DTNA: variants seen among roughly 807,000 people sequenced by gnomAD.
DTNA encodes the protein dystrophin-related protein 3.
A neutral mutation model predicts 100.7 loss-of-function variants in DTNA; 43 were observed. The observed-to-expected ratio is 0.43, with a 90% CI of 0.33 to 0.55. DTNA has a LOEUF of 0.55. DTNA is among the 20% of genes least tolerant of loss of function. The probability of loss-of-function intolerance (pLI) is 0.04; values close to 1 mark genes in which losing one functional copy is unlikely to be tolerated. For missense variants in DTNA, 798 were observed against 953.9 expected, an observed-to-expected ratio of 0.84 and a Z score of 2.15; for synonymous variants, 349 against 347.9, an observed-to-expected ratio of 1.00 and a Z score of -0.04.
chr18:34,543,212 C>G (rs954006528), intron 1 of DTNA, among the ~76,000 whole-genome samples: 2 of 151,766 alleles, frequency 1.3e-5, no homozygotes, highest in Admixed American at 1.3e-4. Context: ...TTGCACAAGA[C>G]CTGATACTGC....
chr18:34,531,441 AT>A (rs1436988482), intron 1 of DTNA, among the ~76,000 whole-genome samples: 58 of 152,262 alleles, frequency 3.8e-4, no homozygotes, highest in African/African-American at 1.4e-3. Flanking sequence ...TCCTTTGAAA[AT>A]TTAAAACTAT....
intron 3 of DTNA, among the ~76,000 whole-genome samples, chr18:34,783,716 G>T (rs1219224655): frequency 6.6e-6 from 1 of 152,152 alleles, no homozygotes; most frequent in African/African-American, 2.4e-5. Flanking sequence ...GTTAATGTGG[G>T]TGATGGCGGA....
chr18:34,701,931 C>A (rs890491813), intron 1 of DTNA, among the ~76,000 whole-genome samples: 4 of 152,194 alleles, frequency 2.6e-5, no homozygotes, highest in African/African-American at 9.6e-5. Context: ...TCTGTCCCAT[C>A]CACTCTTCAC....
At chr18:34,618,433 T>A (rs2055775400) in intron 1 of DTNA, among the ~76,000 whole-genome samples, 1 of 152,176 alleles carries the variant, frequency 6.6e-6, no homozygotes. Flanking sequence ...AAACATGGTA[T>A]CAGATAGTTC....
intron 4 of DTNA, among the ~76,000 whole-genome samples, chr18:34,800,098 A>G (rs73412666): frequency 0.025 from 3,864 of 152,364 alleles, 169 homozygotes; most frequent in African/African-American, 0.087. Flanking sequence ...TAAAAGAAAC[A>G]GCCATAAAGC....
chr18:34,493,989 G>A (rs1163364167), intron 1 of DTNA: 2 of 149,362 alleles, frequency 1.3e-5, no homozygotes, highest in African/African-American at 4.9e-5. Flanking sequence ...GGCTGCTGCA[G>A]GATGTCCGGC....
intron 1 of DTNA, among the ~76,000 whole-genome samples, chr18:34,608,527 T>TA (rs1434890406): frequency 6.7e-6 from 1 of 149,554 alleles, no homozygotes; most frequent in East Asian, 1.9e-4. Flanking sequence ...TTTTTTTTTT[T>TA]ATGGATTCAG....
chr18:34,839,397 C>T (rs2096223831), intron 13 of DTNA, among the ~76,000 whole-genome samples: 1 of 152,192 alleles, frequency 6.6e-6, no homozygotes, highest in Non-Finnish European at 1.5e-5. Flanking sequence ...TCTTGGAATA[C>T]ACAAAACTTA....
intron 18 of DTNA, among the ~76,000 whole-genome samples, chr18:34,876,150 T>C (rs569892475): frequency 7.2e-5 from 11 of 152,346 alleles, no homozygotes; most frequent in African/African-American, 2.6e-4. Flanking sequence ...TAAATAGATA[T>C]GTTTAAGGAT....
chr18:34,859,243 A>G (rs924849600), intron 16 of DTNA, among the ~76,000 whole-genome samples: 1 of 152,252 alleles, frequency 6.6e-6, no homozygotes, highest in Non-Finnish European at 1.5e-5. Flanking sequence ...GAAGTTGTCC[A>G]GGGTCTTGGC....
intron 1 of DTNA, among the ~76,000 whole-genome samples, chr18:34,625,332 C>T (rs1466420158): frequency 1.3e-5 from 2 of 151,950 alleles, no homozygotes; most frequent in African/African-American, 4.8e-5. Context: ...CCTGGCCCAC[C>T]CAGTTAATTT....
chr18:34,580,101 T>C (rs1486215889), intron 1 of DTNA, among the ~76,000 whole-genome samples: 1 of 152,174 alleles, frequency 6.6e-6, no homozygotes, highest in Admixed American at 6.5e-5. Flanking sequence ...AGTCTGCTGT[T>C]CAACTCCCTG....
At chr18:34,760,678 G>T (rs1359765963) in intron 2 of DTNA, among the ~76,000 whole-genome samples, 3 of 152,164 alleles carry the variant, frequency 2.0e-5, no homozygotes, top group African/African-American at 7.2e-5. Flanking sequence ...TTGAACAACT[G>T]CCAAGCAGCT....
Position 34,826,723 on chromosome 18 carries a change from C to CT in DTNA, c.1002-869dup, listed in dbSNP as rs143528695. Among the ~76,000 whole-genome samples the CT allele has an allele frequency of 5.3e-5, 8 of 152,244 alleles. No homozygotes were observed. In the East Asian group the frequency reaches 1.5e-3, roughly 29 times the overall value. On this transcript the variant is annotated intron_variant, in intron 9 of 22. Coordinates refer to ENST00000444659, the MANE Select transcript of DTNA (RefSeq NM_001386795.1). ...CACCTCATTTTCCATCTTTTGAACT[C>CT]TAAGTCCCATCTCATATTACCATTC...
rs369914309 is a variant in DTNA at position 34,879,651 on chromosome 18, G to T, written c.2094G>T (p.Ala698=). The change falls in exon 20 of 23, where the codon GCG becomes GCT. Residue 698 remains alanine (A), a synonymous_variant. Transcript: ENST00000444659. ...PSPTSEKAFL[A]QIHARKPGYI... is the part of the protein sequence containing the mutation. ...CAACCTCTGAAAAGGCTTTTCTAGC[G>T]CAAATCCATGCCCGAAAACCTGGGT... The T allele has an allele frequency of 1.2e-6, 2 of 1,613,956 alleles. No homozygotes were observed. The highest frequency in any genetic ancestry group is 2.7e-5 in the African/African-American group (2 of 74,892).
At chr18:34,505,429 C>T (rs2040392698) in intron 1 of DTNA, among the ~76,000 whole-genome samples, 1 of 152,178 alleles carries the variant, frequency 6.6e-6, no homozygotes, top group South Asian at 2.1e-4. Flanking sequence ...TTCACAGCTT[C>T]CAGGGATTGG....
chr18:34,634,590 C>G (rs1352354589), intron 1 of DTNA, among the ~76,000 whole-genome samples: 1 of 152,126 alleles, frequency 6.6e-6, no homozygotes, highest in African/African-American at 2.4e-5. Context: ...AATCCAGTCT[C>G]ACACATATAT....
chr18:34,645,440 A>G (rs1299615130), intron 1 of DTNA, among the ~76,000 whole-genome samples: 3 of 152,116 alleles, frequency 2.0e-5, no homozygotes, highest in South Asian at 2.1e-4. Flanking sequence ...GAGAATTACT[A>G]TTGACTAAGG....
In DTNA at chr18:34,848,321, G is replaced by T; in HGVS notation, c.1372G>T (p.Asp458Tyr). Residue 458 changes from aspartate (D) to tyrosine (Y), a missense_variant, in exon 14 of 23, where the codon GAT becomes TAT. By Grantham distance (160) the Asp-to-Tyr change is radical. Coordinates refer to ENST00000444659, the MANE Select transcript of DTNA (RefSeq NM_001386795.1). ...SCMLESSNRLDEEHRLIARYA... is the reference protein window; with the variant it reads ...SCMLESSNRLYEEHRLIARYA... The stretch of plus-strand genomic sequence containing the variant: ...CATGCTTGAGAGTTCAAACCGGCTT[G>T]ATGAAGAACACAGGCTAATTGCCAG... 6.2e-7 allele frequency: 1 copy of T among 1,614,038 alleles called. No homozygotes were observed. Among genetic ancestry groups the T allele is most frequent in the Non-Finnish European group, 8.5e-7 (1 of 1,179,948 alleles).
Sources: gnomAD v4.1 joint callset for allele counts (sites outside exome capture counted in the v4.1 genomes callset) on GRCh38, gnomAD v4.1.1 for gene constraint, MANE v1.5 for transcripts, NCBI Gene and HGNC (gene_info 2026-07-23, HGNC 2026-07-21) for gene names.